Variants in CABIN1 observed in about 807,000 individuals in gnomAD.
CABIN1 encodes calcineurin binding protein 1, also known as calcineurin-binding protein cabin-1.
Under a neutral mutation model 227.7 loss-of-function variants are expected in CABIN1, and 133 were observed. That is an observed-to-expected ratio of 0.58 (90% confidence interval 0.51 to 0.67). The LOEUF (loss-of-function observed/expected upper bound fraction) is 0.67, where lower values mean the gene tolerates loss of function less well. Ranked by LOEUF, CABIN1 falls within the 30% of genes least tolerant of loss-of-function variation. CABIN1 has a pLI of 0.00. For missense variants in CABIN1, 2,408 were observed against 2,852.5 expected, an observed-to-expected ratio of 0.84 and a Z score of 3.55; for synonymous variants, 1,086 against 1,155.1, an observed-to-expected ratio of 0.94 and a Z score of 1.21.
chr22:24,155,429 T>G (rs1325963543), intron 29 of CABIN1, among the ~76,000 whole-genome samples: 1 of 151,936 alleles, frequency 6.6e-6, no homozygotes, highest in Non-Finnish European at 1.5e-5. Context: ...TGCCTACTAC[T>G]CCCAACCCTA....
chr22:24,147,425 CTCTT>C (rs2045215663), intron 29 of CABIN1, among the ~76,000 whole-genome samples: 1 of 149,770 alleles, frequency 6.7e-6, no homozygotes, highest in African/African-American at 2.5e-5. Flanking sequence ...TCCTTCCCTC[CTCTT>C]TCTTTTCTTT....
intron 1 of CABIN1, 165 bp downstream of exon 1, chr22:24,011,532 G>C (rs1177014206): frequency 4.6e-5 from 7 of 152,266 alleles, no homozygotes; most frequent in Non-Finnish European, 1.0e-4. Flanking sequence ...AACCGAGGCC[G>C]GGCTTCCTGG....
intron 1 of CABIN1, among the ~76,000 whole-genome samples, chr22:24,030,782 C>T (rs573573146): frequency 7.0e-4 from 106 of 152,114 alleles, no homozygotes; most frequent in Non-Finnish European, 1.3e-3. Context: ...CCAGACACCC[C>T]ACTCTGGGGT....
At chr22:24,099,093 T>G (rs552616617) in intron 26 of CABIN1, among the ~76,000 whole-genome samples, 163 of 152,288 alleles carry the variant, frequency 1.1e-3, no homozygotes, top group Non-Finnish European at 1.7e-3. Context: ...ATGGGCACTC[T>G]AGGGCACCAT....
At chr22:24,170,505 C>T (rs1190738007) in intron 33 of CABIN1, among the ~76,000 whole-genome samples, 3 of 152,190 alleles carry the variant, frequency 2.0e-5, no homozygotes, top group Non-Finnish European at 4.4e-5. Context: ...GCTGCTACAA[C>T]ACCACTGGTA....
chr22:24,119,769 C>A (rs977636094), intron 28 of CABIN1, 71 bp downstream of exon 28: 7 of 1,389,778 alleles, frequency 5.0e-6, no homozygotes, highest in Non-Finnish European at 7.1e-6. Flanking sequence ...GGTTGGTGGG[C>A]AGAGCTAAGA....
intron 6 of CABIN1, 31 bp from the exon 7 acceptor site, chr22:24,049,060 A>C (rs776955793): frequency 6.2e-7 from 1 of 1,612,856 alleles, no homozygotes; most frequent in Non-Finnish European, 8.5e-7. Context: ...GTGCGGTCTC[A>C]GAAGTCATAA....
chr22:24,104,068 T>C (rs1164323398), intron 26 of CABIN1, among the ~76,000 whole-genome samples: 2 of 152,148 alleles, frequency 1.3e-5, no homozygotes, highest in Non-Finnish European at 1.5e-5. Flanking sequence ...AAAAAGAGAC[T>C]TTGAGGGGAG....
chr22:24,110,692 T>A (rs1406450879), intron 26 of CABIN1, among the ~76,000 whole-genome samples: 1 of 152,186 alleles, frequency 6.6e-6, no homozygotes, highest in East Asian at 1.9e-4. Flanking sequence ...AATCTTGAGT[T>A]GATTATTTTA....
intron 24 of CABIN1, among the ~76,000 whole-genome samples, chr22:24,093,610 TATAATCCCAC>T: frequency 6.6e-6 from 1 of 152,134 alleles, no homozygotes; most frequent in East Asian, 1.9e-4. Flanking sequence ...GGCTCACACC[TATAATCCCAC>T]TGCTTTGGGA....
chr22:24,172,185 C>T (rs2046856079), intron 34 of CABIN1, among the ~76,000 whole-genome samples, 190 bp downstream of exon 34: 1 of 152,222 alleles, frequency 6.6e-6, no homozygotes, highest in Non-Finnish European at 1.5e-5. Context: ...CCCTGGTCAG[C>T]ACATCCTACA....
intron 27 of CABIN1, among the ~76,000 whole-genome samples, chr22:24,116,775 G>A (rs962230884): frequency 6.6e-6 from 1 of 152,190 alleles, no homozygotes; most frequent in African/African-American, 2.4e-5. Context: ...CAGTCCAGAG[G>A]CTCAGCTGGG....
In CABIN1 at chr22:24,078,946, C is replaced by T. The variant is rs555111378; in HGVS notation, c.2748+2662C>T. ...TAGTTACATGAGTTTTAAAATTTTA[C>T]ATACTAAATATATAGTATGTAACCT... On this transcript the variant is annotated intron_variant, in intron 19 of 36. Coordinates refer to ENST00000263119, the MANE Select transcript of CABIN1 (RefSeq NM_012295.4). Among the ~76,000 whole-genome samples the T allele has an allele frequency of 1.2e-4, 16 of 137,920 alleles. No individual in the cohort carries two copies. The East Asian group carries it at 3.4e-3, about 30-fold the overall frequency. The allele number at this position is 137,920 out of a possible 152,430, so 90.5% of individuals were successfully genotyped here.
chr22:24,033,390 C>T (rs747614466), intron 1 of CABIN1, among the ~76,000 whole-genome samples: 5 of 152,142 alleles, frequency 3.3e-5, no homozygotes, highest in Non-Finnish European at 5.9e-5. Flanking sequence ...TCTCAAACTC[C>T]TGGGCTCAAG....
rs768402566 is a variant in CABIN1 at position 24,041,168 on chromosome 22, G to A, written c.240G>A (p.Gly80=). 29 of 1,614,100 alleles carry A rather than the reference G, an allele frequency of 1.8e-5. No individual in the cohort carries two copies. The highest frequency in any genetic ancestry group is 2.1e-5 in the Non-Finnish European group (25 of 1,180,050). ...TTTCATCCGGTGATGAGAAAGAGGG[G>A]TTGAAACACCCTGGGCTGATACTGA... ...EAVSSGDEKE[G]LKHPGLILKY... The change falls in exon 5 of 37, where the codon GGG becomes GGA. Residue 80 remains glycine, a synonymous_variant. Coordinates refer to ENST00000263119, the MANE Select transcript of CABIN1 (RefSeq NM_012295.4).
intron 30 of CABIN1, 145 bp from the exon 31 acceptor site, chr22:24,165,385 A>G (rs2046386816): frequency 3.9e-6 from 3 of 769,266 alleles, no homozygotes; most frequent in Non-Finnish European, 6.7e-6. Context: ...CTTCTAGGGG[A>G]GCAGCCCCAA....
intron 1 of CABIN1, among the ~76,000 whole-genome samples, chr22:24,024,674 C>T (rs190083719): frequency 3.8e-4 from 58 of 152,198 alleles, no homozygotes; most frequent in African/African-American, 1.4e-3. Flanking sequence ...AGATGGTATC[C>T]CCCATATGTC....
intron 23 of CABIN1, among the ~76,000 whole-genome samples, chr22:24,088,576 C>T (rs1340807788): frequency 6.6e-6 from 1 of 151,916 alleles, no homozygotes; most frequent in African/African-American, 2.4e-5. Flanking sequence ...CCATTGCGCT[C>T]CAGCCTGGGC....
chr22:24,173,177 C>T (rs2046923978), intron 34 of CABIN1: 1 of 152,260 alleles, frequency 6.6e-6, no homozygotes. Flanking sequence ...GGAGGCTCAC[C>T]TGTCTTCCCA....
Sources: gnomAD v4.1 joint callset for allele counts (sites outside exome capture counted in the v4.1 genomes callset) on GRCh38, gnomAD v4.1.1 for gene constraint, MANE v1.5 for transcripts, NCBI Gene and HGNC (gene_info 2026-07-23, HGNC 2026-07-21) for gene names.